The following GRIK2 variants were observed in gnomAD, a reference collection of about 807,000 sequenced individuals.
The protein encoded by GRIK2 is glutamate ionotropic receptor kainate type subunit 2, also known as glutamate receptor ionotropic, kainate 2.
A neutral mutation model predicts 100.3 loss-of-function variants in GRIK2; 32 were observed. The ratio of observed to expected loss-of-function variants is 0.32; its 90% CI spans 0.24 to 0.43. The LOEUF (loss-of-function observed/expected upper bound fraction) is 0.43, where lower values mean the gene tolerates loss of function less well. GRIK2 is among the 20% of genes least tolerant of loss of function. The probability of loss-of-function intolerance (pLI) is 1.00; values close to 1 mark genes in which losing one functional copy is unlikely to be tolerated. For synonymous variants in GRIK2, 417 were observed against 389.4 expected, an observed-to-expected ratio of 1.07 and a Z score of -0.83; for missense variants, 843 against 1,114.9, an observed-to-expected ratio of 0.76 and a Z score of 3.47.
intron 11 of GRIK2, among the ~76,000 whole-genome samples, chr6:101,863,709 C>G (rs1044181903): frequency 6.6e-6 from 1 of 152,188 alleles, no homozygotes; most frequent in African/African-American, 2.4e-5. Context: ...CTTAACTGTG[C>G]AAATTTGGGC....
intron 10 of GRIK2, among the ~76,000 whole-genome samples, chr6:101,820,354 C>T (rs770565459): frequency 6.6e-6 from 1 of 152,080 alleles, no homozygotes; most frequent in Non-Finnish European, 1.5e-5. Flanking sequence ...TAATCTGGCC[C>T]CTACACTCCT....
intron 11 of GRIK2, among the ~76,000 whole-genome samples, chr6:101,873,813 T>C (rs902129780): frequency 6.6e-6 from 1 of 151,886 alleles, no homozygotes; most frequent in Non-Finnish European, 1.5e-5. Flanking sequence ...TGGTATCTCA[T>C]TATGGTTTTG....
chr6:101,846,512 G>C (rs984932011), intron 10 of GRIK2, among the ~76,000 whole-genome samples: 1 of 152,014 alleles, frequency 6.6e-6, no homozygotes, highest in Non-Finnish European at 1.5e-5. Flanking sequence ...TTTAGTATCA[G>C]GGTAGTGTTG....
chr6:102,052,706 A>G lies in GRIK2; in HGVS notation c.2312-2624A>G, dbSNP rs565229933. On this transcript the variant is annotated intron_variant, in intron 15 of 16. Transcript: ENST00000369134. The stretch of plus-strand genomic sequence containing the variant: ...ATGAGCTCTCACAAAATAAATACTT[A>G]AGTGGATTAAGAATTTTCTATATTT... Among the ~76,000 whole-genome samples, 4 of 152,314 alleles carry G rather than the reference A, an allele frequency of 2.6e-5. No individual in the cohort carries two copies. In the South Asian group the frequency reaches 6.2e-4, roughly 24 times the overall value.
At chr6:101,790,935 G>A (rs200500103) in intron 7 of GRIK2, among the ~76,000 whole-genome samples, 2 of 150,858 alleles carry the variant, frequency 1.3e-5, no homozygotes, top group Non-Finnish European at 3.0e-5. Context: ...TTTAGTCTTG[G>A]GAGGGTGTAT....
intron 2 of GRIK2, among the ~76,000 whole-genome samples, chr6:101,534,256 C>T (rs928692987): frequency 1.3e-4 from 19 of 151,902 alleles, no homozygotes; most frequent in African/African-American, 4.3e-4. Flanking sequence ...ATTTGTTTGA[C>T]ATTGCTGACT....
intron 2 of GRIK2, among the ~76,000 whole-genome samples, chr6:101,582,059 T>C (rs1778127884): frequency 6.6e-6 from 1 of 152,058 alleles, no homozygotes; most frequent in African/African-American, 2.4e-5. Context: ...GGTTTTTTTT[T>C]CATTGTTTTT....
At chr6:101,632,971 C>G (rs1673463467) in intron 4 of GRIK2, among the ~76,000 whole-genome samples, 3 of 152,056 alleles carry the variant, frequency 2.0e-5, no homozygotes, top group Admixed American at 2.0e-4. Context: ...GAAGAGTCTA[C>G]AGTGTGCAAC....
intron 11 of GRIK2, among the ~76,000 whole-genome samples, chr6:101,877,541 C>G (rs905643077): frequency 6.6e-6 from 1 of 151,842 alleles, no homozygotes; most frequent in Non-Finnish European, 1.5e-5. Context: ...GGCCCTGAAA[C>G]CCATTTCCCC....
intron 7 of GRIK2, among the ~76,000 whole-genome samples, chr6:101,770,624 A>C (rs984505241): frequency 4.6e-5 from 7 of 152,328 alleles, no homozygotes; most frequent in South Asian, 2.1e-4. Context: ...CTATTGACCT[A>C]CCGGCTAAAA....
rs1282677992 is a variant in GRIK2 at position 101,928,741 on chromosome 6, TTAA to T, written c.2085+115_2085+117del. ...CAACGCCATTATTTGTGCACAATTC[TTAA>T]TAATAGCATATACCTCAAGGGGTGG... On this transcript the variant is annotated intron_variant, in intron 14 of 16. Transcript: ENST00000369134. The T allele has an allele frequency of 1.1e-5, 7 of 663,108 alleles. No individual in the cohort carries two copies. In the East Asian group the frequency reaches 1.3e-4, roughly 13 times the overall value. 41.1% of individuals were successfully genotyped at this position (663,108 alleles called of 1,614,324 possible).
chr6:101,583,458 T>G (rs937043317), intron 2 of GRIK2, among the ~76,000 whole-genome samples: 1 of 152,160 alleles, frequency 6.6e-6, no homozygotes, highest in Admixed American at 6.6e-5. Context: ...GTAGCTACAT[T>G]ATAAATCCCC....
At chr6:101,838,303 T>A (rs1016931999) in intron 10 of GRIK2, among the ~76,000 whole-genome samples, 8 of 152,232 alleles carry the variant, frequency 5.3e-5, no homozygotes, top group African/African-American at 1.7e-4. Flanking sequence ...ATTTGTATGT[T>A]TTGCTCTTGT....
chr6:101,910,509 C>A (rs1247441335), intron 12 of GRIK2, among the ~76,000 whole-genome samples: 1 of 151,040 alleles, frequency 6.6e-6, no homozygotes, highest in Admixed American at 6.6e-5. Flanking sequence ...GTCATCAGTT[C>A]AAATCAAGTG....
intron 2 of GRIK2, among the ~76,000 whole-genome samples, chr6:101,575,499 C>T (rs1351402180): frequency 6.6e-6 from 1 of 151,972 alleles, no homozygotes; most frequent in African/African-American, 2.4e-5. Context: ...AACCATTCTA[C>T]ATTAGTAAAT....
intron 11 of GRIK2, among the ~76,000 whole-genome samples, chr6:101,865,723 C>T (rs1465587948): frequency 2.6e-5 from 4 of 151,704 alleles, no homozygotes; most frequent in Non-Finnish European, 4.4e-5. Flanking sequence ...CCCGTCTCTA[C>T]TAAAAATACA....
At chr6:101,869,163 G>A (rs1030401812) in intron 11 of GRIK2, among the ~76,000 whole-genome samples, 9 of 151,834 alleles carry the variant, frequency 5.9e-5, no homozygotes, top group Non-Finnish European at 7.4e-5. Flanking sequence ...AACACCACAC[G>A]TGACCAAAAC....
intron 14 of GRIK2, among the ~76,000 whole-genome samples, chr6:102,026,883 T>C (rs1338342397): frequency 6.6e-6 from 1 of 151,274 alleles, no homozygotes; most frequent in African/African-American, 2.4e-5. Context: ...AGATCCACCT[T>C]TGATATGAAC....
chr6:101,697,965 C>T (rs192297721), intron 7 of GRIK2, among the ~76,000 whole-genome samples: 2 of 152,190 alleles, frequency 1.3e-5, no homozygotes, highest in Admixed American at 1.3e-4. Flanking sequence ...GCAGATGCTA[C>T]TATGTTCTGA....
Sources: gnomAD v4.1 joint callset for allele counts (sites outside exome capture counted in the v4.1 genomes callset) on GRCh38, gnomAD v4.1.1 for gene constraint, MANE v1.5 for transcripts, NCBI Gene and HGNC (gene_info 2026-07-23, HGNC 2026-07-21) for gene names.